The following TNFRSF8 variants were observed in gnomAD, a reference collection of about 807,000 sequenced individuals.
The protein encoded by TNFRSF8 is TNF receptor superfamily member 8.
In TNFRSF8, 26 loss-of-function variants were observed where a neutral mutation model predicts 70.8. The ratio of observed to expected loss-of-function variants is 0.37; its 90% CI spans 0.27 to 0.51. TNFRSF8 has a LOEUF of 0.51. Ranked by LOEUF, TNFRSF8 falls within the 20% of genes least tolerant of loss-of-function variation. The pLI is 0.94. For synonymous variants in TNFRSF8, 356 were observed against 339.2 expected (o/e 1.05, Z -0.54); for missense variants, 720 against 807.9 (o/e 0.89, Z 1.32).
intron 1 of TNFRSF8, chr1:12,080,255 A>G (rs1641040943): frequency 1.9e-6 from 1 of 517,960 alleles, no homozygotes; most frequent in Non-Finnish European, 3.8e-6. Context: ...AGCCAAGATG[A>G]TCCCAGTTTT....
chr1:12,123,490 C>A, intron 9 of TNFRSF8, 113 bp downstream of exon 9: 1 of 1,107,806 alleles, frequency 9.0e-7, no homozygotes, highest in Non-Finnish European at 1.3e-6. Context: ...GGGGCCTGGG[C>A]TGCTCTTTTG....
chr1:12,101,750 G>A (rs933566010), intron 3 of TNFRSF8, among the ~76,000 whole-genome samples: 3 of 151,956 alleles, frequency 2.0e-5, no homozygotes, highest in South Asian at 2.1e-4. Flanking sequence ...GCGCAATCTC[G>A]GCTCACTGCA....
chr1:12,118,848 T>G (rs1431510015), intron 8 of TNFRSF8, among the ~76,000 whole-genome samples: 4 of 151,812 alleles, frequency 2.6e-5, no homozygotes, highest in Non-Finnish European at 5.9e-5. Flanking sequence ...TTGCATTTGT[T>G]TTTTTGTTTG....
At chr1:12,123,407 G>T in intron 9 of TNFRSF8, 30 bp downstream of exon 9, 1 of 1,573,348 alleles carries the variant, frequency 6.4e-7, no homozygotes, top group Non-Finnish European at 8.6e-7. Context: ...TCTCTGTTTG[G>T]CTGCTGCAGG....
chr1:12,140,154 T>C lies in TNFRSF8; in HGVS notation c.1543+1718T>C, dbSNP rs996929853. Among the ~76,000 whole-genome samples the C allele has an allele frequency of 4.6e-5, 7 of 152,302 alleles. No homozygotes were observed. In the Middle Eastern group the frequency reaches 0.01, roughly 222 times the overall value. ...TGGGGAGGAGAAGGAAGTACCAGGCTCCCAGGCAGCTGGCTCAGGTGTGGG... is the reference window on the plus strand; with the variant it reads ...TGGGGAGGAGAAGGAAGTACCAGGCCCCCAGGCAGCTGGCTCAGGTGTGGG... On this transcript the variant is annotated intron_variant, in intron 14 of 14. Coordinates refer to ENST00000263932, the MANE Select transcript of TNFRSF8 (RefSeq NM_001243.5).
intron 3 of TNFRSF8, 120 bp downstream of exon 3, chr1:12,097,337 T>G (rs190933049): frequency 1.2e-5 from 8 of 683,966 alleles, no homozygotes; most frequent in East Asian, 5.5e-5. Context: ...CTCTGAATTG[T>G]CCTCCTGGTG....
rs1196095602 is a variant in TNFRSF8, at chr1:12,113,613, G to A, written c.793+1599G>A. On this transcript the variant is annotated intron_variant, in intron 7 of 14. Coordinates refer to ENST00000263932, the MANE Select transcript of TNFRSF8 (RefSeq NM_001243.5). The surrounding 1 kb of genome is among the most constrained non-coding windows in gnomAD (Gnocchi z 4.9). Reference sequence around the variant, plus strand: ...AGAGGGAGAGAGAGAGTGAGAGAGAGACAGAAAGAGGGAGAGAGAGAGACA... The same window carrying A: ...AGAGGGAGAGAGAGAGTGAGAGAGAAACAGAAAGAGGGAGAGAGAGAGACA... 1.3e-5 allele frequency among the ~76,000 whole-genome samples: 2 copies of A among 151,982 alleles called. No homozygotes were observed. Among genetic ancestry groups the A allele is most frequent in the Non-Finnish European group, 1.5e-5 (1 of 67,982 alleles).
intron 12 of TNFRSF8, among the ~76,000 whole-genome samples, chr1:12,131,036 T>C (rs1324742835): frequency 1.3e-5 from 2 of 152,240 alleles, no homozygotes; most frequent in Non-Finnish European, 2.9e-5. Flanking sequence ...GAACTCTGAC[T>C]TTCCATTCAG....
At chr1:12,122,941 G>T (rs1641859299) in intron 8 of TNFRSF8, among the ~76,000 whole-genome samples, 1 of 151,950 alleles carries the variant, frequency 6.6e-6, no homozygotes, top group Admixed American at 6.6e-5. Context: ...CGATTCTCCT[G>T]CCTCAGCCTC....
intron 2 of TNFRSF8, among the ~76,000 whole-genome samples, chr1:12,094,877 C>T (rs772159358): frequency 6.6e-6 from 1 of 151,994 alleles, no homozygotes. Context: ...CCATGCGCCT[C>T]GGCCTCCGAA....
intron 2 of TNFRSF8, among the ~76,000 whole-genome samples, chr1:12,086,781 A>ATC (rs929886968): frequency 1.3e-5 from 2 of 151,026 alleles, no homozygotes; most frequent in Non-Finnish European, 3.0e-5. Context: ...GGGAAGATCG[A>ATC]TCTCTCTCTC....
At chr1:12,132,837 CAAAAAAA>C (rs55643235) in intron 12 of TNFRSF8, among the ~76,000 whole-genome samples, 4 of 74,420 alleles carry the variant, frequency 5.4e-5, no homozygotes, top group African/African-American at 1.5e-4. Flanking sequence ...GACTCCATCT[CAAAAAAA>C]AAAAAAAAAA....
chr1:12,138,348 G>A lies in TNFRSF8; in HGVS notation c.1455G>A (p.Leu485=). 1.2e-6 allele frequency: 2 copies of A among 1,613,794 alleles called. No homozygotes were observed. The highest frequency in any genetic ancestry group is 1.7e-6 in the Non-Finnish European group (2 of 1,179,934). The part of the protein sequence containing the change: ...VGAAYLESLP[L]QDASPAGGPS... The stretch of plus-strand genomic sequence containing the variant: ...CAGCCTACCTGGAGAGCCTGCCGCT[G>A]CAGGATGCCAGCCCGGCCGGGGGCC... The change falls in exon 14 of 15, where the codon CTG becomes CTA. Residue 485 remains leucine (L), a synonymous_variant. Transcript: ENST00000263932. The surrounding 1 kb of genome is among the most constrained non-coding windows in gnomAD (Gnocchi z 5.7).
intron 8 of TNFRSF8, among the ~76,000 whole-genome samples, chr1:12,116,722 C>T (rs200613786): frequency 1.3e-5 from 2 of 152,082 alleles, no homozygotes; most frequent in South Asian, 4.1e-4. Flanking sequence ...ATCGCTTGAA[C>T]CCGGGAGGCA....
At chr1:12,086,439 T>G (rs1234709367) in intron 2 of TNFRSF8, among the ~76,000 whole-genome samples, 1 of 151,980 alleles carries the variant, frequency 6.6e-6, no homozygotes, top group African/African-American at 2.4e-5. Context: ...GCTTCACTGG[T>G]CGGCCATCCA....
Position 12,142,260 on chromosome 1 carries a change from T to C in TNFRSF8, c.1544-27T>C. ...ATCCTGGCTGGTGCTCTGGCCTCCC[T>C]CGCTCACCCATCCTTTTGCCTTGCA... On this transcript the variant is annotated intron_variant, in intron 14 of 14. Transcript: ENST00000263932. The surrounding 1 kb of genome is among the most constrained non-coding windows in gnomAD (Gnocchi z 5.0). 6.5e-7 allele frequency: 1 copy of C among 1,547,698 alleles called. No individual in the cohort carries two copies. The highest frequency in any genetic ancestry group is 1.7e-4 in the Middle Eastern group (1 of 5,872).
At position 12,084,540 on chromosome 1, in the gene TNFRSF8, G is replaced by A. The variant is rs757905742; in HGVS notation, c.140G>A (p.Arg47His). 6.2e-5 allele frequency: 100 copies of A among 1,613,756 alleles called. No individual in the cohort carries two copies. Among genetic ancestry groups the A allele is most frequent in the Admixed American group, 4.2e-4 (25 of 59,978 alleles). Residue 47 changes from arginine to histidine, a missense_variant, in exon 2 of 15, where the codon CGC becomes CAC. Arg to His is a conservative substitution (Grantham distance 29). Coordinates refer to ENST00000263932, the MANE Select transcript of TNFRSF8 (RefSeq NM_001243.5). ...YDKAVRRCCYRCPMGLFPTQQ... is the reference protein window; with the variant it reads ...YDKAVRRCCYHCPMGLFPTQQ... ...AAGGCTGTCAGGAGGTGCTGTTACC[G>A]CTGCCCCATGGGTGAGTGGGGGCGT...
intron 1 of TNFRSF8, among the ~76,000 whole-genome samples, chr1:12,071,293 G>T (rs968908732): frequency 1.3e-5 from 2 of 152,086 alleles, no homozygotes; most frequent in African/African-American, 4.8e-5. Flanking sequence ...ACAAAAATTA[G>T]CCAGGTGTGG....
chr1:12,139,303 C>T lies in TNFRSF8; in HGVS notation c.1543+867C>T, dbSNP rs575061222. ...TTCTGACCCCACAGTCTGTCCCTCC[C>T]CCTCATGGCAGTCTCCCAAATTTAC... is the stretch of plus-strand genomic sequence containing the variant. On this transcript the variant is annotated intron_variant, in intron 14 of 14. Coordinates refer to ENST00000263932, the MANE Select transcript of TNFRSF8 (RefSeq NM_001243.5). 9.2e-5 allele frequency among the ~76,000 whole-genome samples: 14 copies of T among 152,284 alleles called. No homozygotes were observed. The South Asian group carries it at 2.9e-3, about 32-fold the overall frequency.
Sources: gnomAD v4.1 joint callset for allele counts (sites outside exome capture counted in the v4.1 genomes callset) on GRCh38, gnomAD v4.1.1 for gene constraint, Gnocchi (gnomAD v3.1) non-coding constraint, MANE v1.5 for transcripts, NCBI Gene and HGNC (gene_info 2026-07-23, HGNC 2026-07-21) for gene names.